The following AACS variants were observed in gnomAD, a reference collection of about 807,000 sequenced individuals.
The protein encoded by AACS is acetoacetate-CoA ligase.
Under a neutral mutation model 83.1 loss-of-function variants are expected in AACS, and 69 were observed. The ratio of observed to expected loss-of-function variants is 0.83; its 90% CI spans 0.68 to 1.01. AACS has a LOEUF of 1.01. Ranked by LOEUF, AACS falls within the 50% of genes least tolerant of loss-of-function variation. The pLI is 0.00. For missense variants in AACS, 866 were observed against 882.2 expected, an observed-to-expected ratio of 0.98 and a Z score of 0.23; for synonymous variants, 333 against 343.4, an observed-to-expected ratio of 0.97 and a Z score of 0.33.
intron 7 of AACS, 105 bp from the exon 8 acceptor site, chr12:125,107,016 C>A: frequency 6.5e-7 from 1 of 1,528,634 alleles, no homozygotes; most frequent in Non-Finnish European, 8.9e-7. Context: ...GGAATCCTGG[C>A]TTTTCTGGGG....
intron 5 of AACS, among the ~76,000 whole-genome samples, chr12:125,098,392 T>TA (rs547788191): frequency 0.035 from 5,075 of 143,076 alleles, 130 homozygotes; most frequent in Non-Finnish European, 0.054. Flanking sequence ...GAACCCTGTC[T>TA]AAAAAAAAAA....
Position 125,136,703 on chromosome 12 carries a change from C to A in AACS, c.1720C>A (p.Gln574Lys). 1 of 1,614,118 alleles carries A rather than the reference C, an allele frequency of 6.2e-7. No homozygotes were observed. The highest frequency in any genetic ancestry group is 8.5e-7 in the Non-Finnish European group (1 of 1,180,024). The change falls in exon 17 of 18, where the codon CAG becomes AAG. Residue 574 changes from glutamine to lysine, a missense_variant. Coordinates refer to ENST00000316519, the MANE Select transcript of AACS (RefSeq NM_023928.5). ...EEVEDSLCVP[Q>K]YNKYREERVI... ...GGTGGAGGACAGCCTGTGTGTCCCC[C>A]AGTATAACAAGTACAGGGAGGAGAG...
intron 3 of AACS, among the ~76,000 whole-genome samples, chr12:125,082,874 T>C (rs2136058689): frequency 6.6e-6 from 1 of 152,184 alleles, no homozygotes; most frequent in Admixed American, 6.5e-5. Context: ...GTTATAGAAC[T>C]GAAAAGCGAT....
chr12:125,107,198 G>T lies in AACS; in HGVS notation c.845G>T (p.Ser282Ile). The change falls in exon 8 of 18, where the codon AGC (serine) becomes ATC (isoleucine). Residue 282 changes from serine (S) to isoleucine (I), a missense_variant. By Grantham distance (142) the Ser-to-Ile change is moderately radical (BLOSUM62 -2). Transcript: ENST00000316519. ...PQLEFEQLPFSHPLFIMFSSG... is the reference protein window; with the variant it reads ...PQLEFEQLPFIHPLFIMFSSG... The stretch of plus-strand genomic sequence containing the variant: ...CTGGAGTTCGAGCAGCTGCCCTTCA[G>T]CCACCCACTGTTCATCATGTTCTCA... 1 of 1,614,132 alleles carries T rather than the reference G, an allele frequency of 6.2e-7. No homozygotes were observed. The highest frequency in any genetic ancestry group is 8.5e-7 in the Non-Finnish European group (1 of 1,180,028).
At chr12:125,133,836 A>G (rs956074737) in intron 14 of AACS, among the ~76,000 whole-genome samples, 167 bp from the exon 15 acceptor site, 1 of 152,182 alleles carries the variant, frequency 6.6e-6, no homozygotes, top group Non-Finnish European at 1.5e-5. Context: ...GCTAGAGGGC[A>G]TGTTCCTTGG....
chr12:125,087,782 C>T (rs1956372708), intron 4 of AACS, among the ~76,000 whole-genome samples: 2 of 152,210 alleles, frequency 1.3e-5, no homozygotes, highest in Non-Finnish European at 2.9e-5. Flanking sequence ...CCAGGCCCCA[C>T]TACCCTGCCC....
At position 125,076,584 on chromosome 12, in the gene AACS, A is replaced by G; in HGVS notation, c.331A>G (p.Asn111Asp). 6.2e-7 allele frequency: 1 copy of G among 1,614,126 alleles called. No homozygotes were observed. The highest frequency in any genetic ancestry group is 8.5e-7 in the Non-Finnish European group (1 of 1,180,002). Residue 111 changes from asparagine (N) to aspartate (D), a missense_variant, in exon 3 of 18, where the codon AAT becomes GAT. Coordinates refer to ENST00000316519, the MANE Select transcript of AACS (RefSeq NM_023928.5). ...AGAAAACCTCCTGCGGCACAAAGAG[A>G]ATGACAGAGTTGCCCTTTACATTGC... ...YAENLLRHKENDRVALYIARE... is the reference protein window; with the variant it reads ...YAENLLRHKEDDRVALYIARE...
chr12:125,136,731 T>C lies in AACS; in HGVS notation c.1748T>C (p.Val583Ala). 1 of 1,613,994 alleles carries C rather than the reference T, an allele frequency of 6.2e-7. No individual in the cohort carries two copies. The highest frequency in any genetic ancestry group is 8.5e-7 in the Non-Finnish European group (1 of 1,180,006). Reference protein sequence around the residue: ...PQYNKYREERVILFLKMASGH... With the variant: ...PQYNKYREERAILFLKMASGH... ...TATAACAAGTACAGGGAGGAGAGGGTGATCCTCTTCCTGAAGATGGCCTCC... is the reference window on the plus strand; with the variant it reads ...TATAACAAGTACAGGGAGGAGAGGGCGATCCTCTTCCTGAAGATGGCCTCC... Residue 583 changes from valine (V) to alanine (A), a missense_variant, in exon 17 of 18, where the codon GTG (valine) becomes GCG (alanine). Physicochemically the swap from Val to Ala is moderately conservative, Grantham distance 64. Transcript: ENST00000316519.
At chr12:125,133,849 C>G (rs574272591) in intron 14 of AACS, among the ~76,000 whole-genome samples, 154 bp from the exon 15 acceptor site, 1 of 152,220 alleles carries the variant, frequency 6.6e-6, no homozygotes, top group Admixed American at 6.5e-5. Context: ...TTCCTTGGGG[C>G]AGGAACTGTC....
chr12:125,128,083 C>T, intron 12 of AACS, 78 bp from the exon 13 acceptor site: 1 of 1,072,838 alleles, frequency 9.3e-7, no homozygotes, highest in Non-Finnish European at 1.4e-6. Context: ...TTGGCACCTT[C>T]TCCTTTGTTG....
rs564536183 is a variant in AACS at position 125,118,500 on chromosome 12, G to T, written c.997-141G>T. The T allele has an allele frequency of 3.9e-5, 44 of 1,126,386 alleles. No homozygotes were observed. In the African/African-American group the frequency reaches 6.2e-4, roughly 16 times the overall value. The allele number at this position is 1,126,386 out of a possible 1,614,324, so 69.8% of individuals were successfully genotyped here. ...AGATGTGGAGTTGCCGGGCCAGAGT[G>T]TCCTGCATTTGAAATGGGAAGTTAG... On this transcript the variant is annotated intron_variant, in intron 9 of 17. Transcript: ENST00000316519.
chr12:125,091,364 T>C (rs1956480912), intron 4 of AACS, 62 bp from the exon 5 acceptor site: 5 of 1,551,250 alleles, frequency 3.2e-6, no homozygotes, highest in Non-Finnish European at 4.4e-6. Context: ...AGAAACCTTT[T>C]GGACATCTGC....
chr12:125,091,448 C>A lies in AACS; in HGVS notation c.495C>A (p.His165Gln). The A allele has an allele frequency of 1.2e-6, 2 of 1,614,260 alleles. No individual in the cohort carries two copies. The highest frequency in any genetic ancestry group is 1.7e-6 in the Non-Finnish European group (2 of 1,180,050). Residue 165 changes from histidine (H) to glutamine (Q), a missense_variant, in exon 5 of 18, where the codon CAC becomes CAA. Transcript: ENST00000316519. ...RVVGYLPNSEHAVEAMLAAAS... is the reference protein window; with the variant it reads ...RVVGYLPNSEQAVEAMLAAAS... ...CAGGTTATTTACCCAACAGTGAGCA[C>A]GCTGTCGAGGCGATGCTGGCTGCGG...
intron 17 of AACS, 40 bp from the exon 18 acceptor site, chr12:125,142,052 C>T: frequency 1.9e-6 from 3 of 1,611,072 alleles, no homozygotes; most frequent in Non-Finnish European, 2.5e-6. Context: ...TTCCCCCCTT[C>T]AGGTTTAAAT....
chr12:125,072,875 T>C (rs956334551), intron 1 of AACS, among the ~76,000 whole-genome samples: 1 of 151,812 alleles, frequency 6.6e-6, no homozygotes, highest in Non-Finnish European at 1.5e-5. Context: ...AAAGTTAGAC[T>C]GTTGTGGAAT....
At chr12:125,091,588 A>G (rs1956487904) in intron 5 of AACS, 65 bp downstream of exon 5, 1 of 1,526,480 alleles carries the variant, frequency 6.6e-7, no homozygotes, top group African/African-American at 1.4e-5. Context: ...CAGGGGCTGC[A>G]TGGGCTGAAT....
rs1957515959 is a variant in AACS, at chr12:125,142,472, TGGTGA to T, written c.*245_*249del. Reference sequence around the variant, plus strand: ...TGTCTGGGCCGCAGGTGTGGCACTGTGGTGAGAGTGTGTGTCTTTGCACACACAGT... The same window carrying T: ...TGTCTGGGCCGCAGGTGTGGCACTGTGAGTGTGTGTCTTTGCACACACAGT... On this transcript the variant is annotated 3_prime_UTR_variant, in exon 18 of 18. Transcript: ENST00000316519. The T allele has an allele frequency of 1.8e-6, 1 of 542,134 alleles. No homozygotes were observed. Among genetic ancestry groups the T allele is most frequent in the Non-Finnish European group, 3.3e-6 (1 of 305,874 alleles). The allele number at this position is 542,134 out of a possible 1,614,324, so 33.6% of individuals were successfully genotyped here. A position where few individuals can be genotyped will look rare whatever the true frequency, so the allele number is the denominator to read the frequency against.
chr12:125,074,041 T>G, intron 2 of AACS, 62 bp downstream of exon 2: 1 of 1,365,902 alleles, frequency 7.3e-7, no homozygotes, highest in Non-Finnish European at 1.0e-6. Flanking sequence ...AGTGAAATGC[T>G]AATTTTGGGG....
chr12:125,128,265 A>C lies in AACS; in HGVS notation c.1414A>C (p.Asn472His). The C allele has an allele frequency of 6.2e-7, 1 of 1,611,538 alleles. No individual in the cohort carries two copies. The highest frequency in any genetic ancestry group is 8.5e-7 in the Non-Finnish European group (1 of 1,178,256). ...RNLGMAVEAW[N>H]EEGKAVWGES... Reference sequence around the variant, plus strand: ...CCTGGGCATGGCCGTGGAAGCGTGGAACGAGGAAGGTGATGGCTCCACCAA... The same window carrying C: ...CCTGGGCATGGCCGTGGAAGCGTGGCACGAGGAAGGTGATGGCTCCACCAA... The change falls in exon 13 of 18, where the codon AAC (asparagine) becomes CAC (histidine). Residue 472 changes from asparagine (N) to histidine (H), a missense_variant. Asn to His is a moderately conservative substitution (Grantham distance 68). Transcript: ENST00000316519.
Sources: allele counts gnomAD v4.1 joint callset (sites outside exome capture counted in the v4.1 genomes callset), GRCh38; gene constraint gnomAD v4.1.1; transcripts MANE v1.5; gene names NCBI Gene and HGNC (gene_info 2026-07-23, HGNC 2026-07-21).